The following ABLIM1 variants were observed in gnomAD, a reference collection of about 807,000 sequenced individuals.
ABLIM1 encodes the protein actin binding LIM protein 1.
Under a neutral mutation model 107.0 loss-of-function variants are expected in ABLIM1, and 40 were observed. The ratio of observed to expected loss-of-function variants is 0.37; its 90% confidence interval spans 0.29 to 0.49. ABLIM1 has a LOEUF of 0.49. ABLIM1 is among the 20% of genes least tolerant of loss of function. The probability of loss-of-function intolerance (pLI) is 0.97; values close to 1 mark genes in which losing one functional copy is unlikely to be tolerated. For missense variants in ABLIM1, 857 were observed against 1,008.5 expected, an observed-to-expected ratio of 0.85 and a Z score of 2.04; for synonymous variants, 357 against 357.3, an observed-to-expected ratio of 1.00 and a Z score of 0.01.
At chr10:114,511,356 T>C (rs2061842564) in intron 6 of ABLIM1, among the ~76,000 whole-genome samples, 1 of 151,902 alleles carries the variant, frequency 6.6e-6, no homozygotes. Flanking sequence ...TTTATACCCT[T>C]CTCACCTCTT....
chr10:114,488,503 A>T (rs1382930882), intron 7 of ABLIM1, among the ~76,000 whole-genome samples: 1 of 152,248 alleles, frequency 6.6e-6, no homozygotes, highest in Non-Finnish European at 1.5e-5. Flanking sequence ...TGATTCAATT[A>T]TACATAGTCA....
chr10:114,491,012 G>GTGTGTGTGTGTGTATGTATATATA lies in ABLIM1; in HGVS notation c.982+778_982+779insTATATATACATACACACACACACA. Among the ~76,000 whole-genome samples the GTGTGTGTGTGTGTATGTATATATA allele has an allele frequency of 3.3e-3, 303 of 92,376 alleles. 8 individuals carry two copies. Among genetic ancestry groups the GTGTGTGTGTGTGTATGTATATATA allele is most frequent in the African/African-American group, 0.013 (289 of 21,692 alleles). 60.6% of individuals were successfully genotyped at this position (92,376 alleles called of 152,430 possible). A position where few individuals can be genotyped will look rare whatever the true frequency, so the allele number is the denominator to read the frequency against. On this transcript the variant is annotated intron_variant, in intron 7 of 22. Transcript: ENST00000533213. ...TGTGTGTGTGTGTGTGTGTGTGTGT[G>GTGTGTGTGTGTGTATGTATATATA]TATATATATATATGGTCTATTTTAT...
chr10:114,634,129 C>CTTTTCTTTTTT (rs2078342102), intron 1 of ABLIM1, among the ~76,000 whole-genome samples: 1 of 68,288 alleles, frequency 1.5e-5, no homozygotes, highest in African/African-American at 6.4e-5. Context: ...CTCAATTTTT[C>CTTTTCTTTTTT]TTTTTTTTTT....
Position 114,451,618 on chromosome 10 carries a change from T to C in ABLIM1, c.1594+6A>G, listed in dbSNP as rs1384870214. On this transcript the variant is annotated splice_donor_region_variant and intron_variant, in intron 14 of 22. Transcript: ENST00000533213. ...TAAAAGCTACGCGGAGGAAAGCGGG[T>C]TTTACCATGCTGTTTGTAGATGGGT... is the stretch of plus-strand genomic sequence containing the variant. 6.2e-7 allele frequency: 1 copy of C among 1,612,256 alleles called. No individual in the cohort carries two copies. The highest frequency in any genetic ancestry group is 1.3e-5 in the African/African-American group (1 of 74,832).
Position 114,632,473 on chromosome 10 carries a change from A to C in ABLIM1, c.244+25484T>G. 3 of 985,448 alleles carry C rather than the reference A, an allele frequency of 3.0e-6. 1 individual carries two copies. The highest frequency in any genetic ancestry group is 3.6e-6 in the Non-Finnish European group (3 of 829,942). 61.0% of individuals were successfully genotyped at this position (985,448 alleles called of 1,614,324 possible). On this transcript the variant is annotated intron_variant, in intron 1 of 22. Coordinates refer to ENST00000533213, the MANE Select transcript of ABLIM1 (RefSeq NM_002313.7). ...GGCTTCTTTCAGGCAAACTGGATAAATAAAATTGGCCTTAATGTAAAACAA... is the reference window on the plus strand; with the variant it reads ...GGCTTCTTTCAGGCAAACTGGATAACTAAAATTGGCCTTAATGTAAAACAA...
chr10:114,637,569 T>C (rs1175513177), intron 1 of ABLIM1, among the ~76,000 whole-genome samples: 1 of 152,246 alleles, frequency 6.6e-6, no homozygotes, highest in African/African-American at 2.4e-5. Flanking sequence ...AACTTCTCCA[T>C]GGTCTTTTTC....
At chr10:114,554,109 T>A (rs1440603064) in intron 4 of ABLIM1, among the ~76,000 whole-genome samples, 1 of 152,186 alleles carries the variant, frequency 6.6e-6, no homozygotes, top group Non-Finnish European at 1.5e-5. Flanking sequence ...TCAAAATGTA[T>A]TCCCCATCCC....
chr10:114,762,161 T>C (rs1591958674), intron 1 of ABLIM1, among the ~76,000 whole-genome samples: 1 of 152,112 alleles, frequency 6.6e-6, no homozygotes, highest in African/African-American at 2.4e-5. Flanking sequence ...GCCTCCCACA[T>C]AGCTGAGACT....
At chr10:114,794,600 G>T in the ABLIM1 span, among the ~76,000 whole-genome samples, 1 of 151,974 alleles carries the variant, frequency 6.6e-6, no homozygotes, top group African/African-American at 2.4e-5. Flanking sequence ...TGTTTTTTGG[G>T]GTTTCTTGAT....
chr10:114,791,847 G>C, the ABLIM1 span, among the ~76,000 whole-genome samples: 1 of 152,172 alleles, frequency 6.6e-6, no homozygotes. Context: ...GAAAACTTGA[G>C]AGATAGTAAA....
rs2065578939 is a variant in ABLIM1, at chr10:114,468,111, C to T, written c.1311+70G>A. On this transcript the variant is annotated intron_variant, in intron 11 of 22. Transcript: ENST00000533213. ...TATGTTATGTTCTTTTTCAAAAATCCCAGTCTAGGGAAGGGCCAAGCAATT... is the reference window on the plus strand; with the variant it reads ...TATGTTATGTTCTTTTTCAAAAATCTCAGTCTAGGGAAGGGCCAAGCAATT... The T allele has an allele frequency of 3.6e-6, 5 of 1,376,040 alleles. No individual in the cohort carries two copies. The Admixed American group carries it at 5.2e-5, about 14-fold the overall frequency. The allele number at this position is 1,376,040 out of a possible 1,614,324, so 85.2% of individuals were successfully genotyped here.
chr10:114,527,240 T>C (rs763517268), intron 6 of ABLIM1, among the ~76,000 whole-genome samples: 28 of 152,156 alleles, frequency 1.8e-4, no homozygotes, highest in Non-Finnish European at 3.4e-4. Context: ...TTGAGGTACA[T>C]GTAAGGAACC....
intron 6 of ABLIM1, among the ~76,000 whole-genome samples, chr10:114,537,291 G>A (rs11196781): frequency 2.0e-5 from 3 of 151,704 alleles, no homozygotes; most frequent in Admixed American, 6.6e-5. Flanking sequence ...ATATTTATGG[G>A]GTTCATATGA....
At chr10:114,686,410 G>A (rs1435078604), upstream of ABLIM1, among the ~76,000 whole-genome samples, 2 of 151,912 alleles carry the variant, frequency 1.3e-5, no homozygotes, top group Non-Finnish European at 2.9e-5. Context: ...CTACTCAGGA[G>A]GCTGAGGCAG....
At chr10:114,608,393 G>A (rs1375881883) in intron 1 of ABLIM1, among the ~76,000 whole-genome samples, 1 of 152,120 alleles carries the variant, frequency 6.6e-6, no homozygotes, top group Non-Finnish European at 1.5e-5. Context: ...AAGATGGCCG[G>A]GGGCAGTGGC....
In ABLIM1 at chr10:114,453,490, TGAG is replaced by T; in HGVS notation, c.1442-10_1442-8del. 6.5e-7 allele frequency: 1 copy of T among 1,532,212 alleles called. No individual in the cohort carries two copies. The highest frequency in any genetic ancestry group is 8.8e-7 in the Non-Finnish European group (1 of 1,136,044). 94.9% of individuals were successfully genotyped at this position (1,532,212 alleles called of 1,614,324 possible). On this transcript the variant is annotated splice_polypyrimidine_tract_variant and splice_region_variant and intron_variant, in intron 12 of 22. Transcript: ENST00000533213. ...CCGCTGGACGGCTCATTGCCTCCAA[TGAG>T]AAGAATGGAAAAAACAAAATGAGAG...
chr10:114,768,859 A>G (rs961465884), upstream of ABLIM1, among the ~76,000 whole-genome samples: 4 of 152,220 alleles, frequency 2.6e-5, no homozygotes, highest in East Asian at 1.9e-4. Flanking sequence ...CCCTTTTTCT[A>G]TATGTCAGGA....
At chr10:114,733,080 G>A (rs1214021679) in intron 1 of ABLIM1, among the ~76,000 whole-genome samples, 1 of 152,190 alleles carries the variant, frequency 6.6e-6, no homozygotes, top group African/African-American at 2.4e-5. Context: ...AGCCATGAGT[G>A]TAGTTACAGA....
intron 2 of ABLIM1, among the ~76,000 whole-genome samples, chr10:114,593,678 G>T (rs573385178): frequency 6.6e-6 from 1 of 152,192 alleles, no homozygotes; most frequent in Non-Finnish European, 1.5e-5. Flanking sequence ...TATCTTCCAG[G>T]GCTGTTTGTT....
Sources: allele counts gnomAD v4.1 joint callset (sites outside exome capture counted in the v4.1 genomes callset), GRCh38; gene constraint gnomAD v4.1.1; transcripts MANE v1.5; gene names NCBI Gene and HGNC (gene_info 2026-07-23, HGNC 2026-07-21).